The following ELL2 variants were observed in gnomAD, a reference collection of about 807,000 sequenced individuals.
ELL2 encodes the protein elongation factor for RNA polymerase II 2, also known as RNA polymerase II elongation factor ELL2.
Under a neutral mutation model 72.8 loss-of-function variants are expected in ELL2, and 21 were observed. That is an observed-to-expected ratio of 0.29 (90% CI 0.20 to 0.42). ELL2 has a LOEUF of 0.42. ELL2 is among the 10% of genes least tolerant of loss of function. The pLI, the probability that ELL2 is intolerant of heterozygous loss-of-function variation, is 1.00. For synonymous variants in ELL2, 266 were observed against 283.2 expected (o/e 0.94, Z 0.61); for missense variants, 568 against 772.8 (o/e 0.73, Z 3.14).
chr5:95,925,792 G>A (rs915295278), intron 2 of ELL2, among the ~76,000 whole-genome samples: 4 of 152,100 alleles, frequency 2.6e-5, no homozygotes, highest in Non-Finnish European at 5.9e-5. Context: ...TTCCCAATTT[G>A]TATGGCCTCA....
intron 8 of ELL2, among the ~76,000 whole-genome samples, chr5:95,897,825 G>A (rs1748931761): frequency 1.3e-5 from 2 of 152,154 alleles, no homozygotes; most frequent in Non-Finnish European, 2.9e-5. Flanking sequence ...ATTAATTGAA[G>A]CAAGGGTGAC....
intron 2 of ELL2, among the ~76,000 whole-genome samples, chr5:95,937,357 A>G (rs138172956): frequency 6.1e-4 from 93 of 152,302 alleles, no homozygotes; most frequent in African/African-American, 2.1e-3. Flanking sequence ...ACTCTAGTCA[A>G]TTTACAATAG....
rs957682550 is a variant in ELL2, at chr5:95,935,990, T to C, written c.195+7012A>G. 2.6e-5 allele frequency among the ~76,000 whole-genome samples: 4 copies of C among 152,310 alleles called. No homozygotes were observed. In the South Asian group the frequency reaches 6.2e-4, roughly 24 times the overall value. On this transcript the variant is annotated intron_variant, in intron 2 of 11. Coordinates refer to ENST00000237853, the MANE Select transcript of ELL2 (RefSeq NM_012081.6). ...ACCATGTTTGGTAAGCTATAATAGATTGTGACCCATTGGAAGGTCATGGCA... is the reference window on the plus strand; with the variant it reads ...ACCATGTTTGGTAAGCTATAATAGACTGTGACCCATTGGAAGGTCATGGCA...
At chr5:95,944,989 C>A (rs914485770) in intron 1 of ELL2, among the ~76,000 whole-genome samples, 7 of 152,262 alleles carry the variant, frequency 4.6e-5, no homozygotes, top group East Asian at 3.9e-4. Flanking sequence ...CCTTTCATTT[C>A]GAAAGGCTAG....
chr5:95,902,338 A>G (rs566332220), intron 5 of ELL2, among the ~76,000 whole-genome samples: 1 of 152,302 alleles, frequency 6.6e-6, no homozygotes, highest in Non-Finnish European at 1.5e-5. Context: ...ATAAATGAAA[A>G]CATATGCCTA....
chr5:95,944,120 C>T (rs1016483540), intron 1 of ELL2, among the ~76,000 whole-genome samples: 5 of 152,138 alleles, frequency 3.3e-5, no homozygotes, highest in South Asian at 4.1e-4. Context: ...AGCACATCAC[C>T]TACTACTTCC....
At chr5:95,901,113 ATTTT>A in intron 5 of ELL2, 33 bp from the exon 6 acceptor site, 1 of 1,569,744 alleles carries the variant, frequency 6.4e-7, no homozygotes, top group South Asian at 1.2e-5. Flanking sequence ...AGCATTAGGT[ATTTT>A]TACTATCATC....
chr5:95,949,912 T>C (rs1477572395), intron 1 of ELL2, among the ~76,000 whole-genome samples: 1 of 152,162 alleles, frequency 6.6e-6, no homozygotes, highest in Non-Finnish European at 1.5e-5. Flanking sequence ...AGAAGCACCC[T>C]TGTGGGGTAG....
chr5:95,930,941 T>G (rs897746762), intron 2 of ELL2, among the ~76,000 whole-genome samples: 1 of 152,226 alleles, frequency 6.6e-6, no homozygotes, highest in Non-Finnish European at 1.5e-5. Flanking sequence ...TGCCAACTAT[T>G]TGGAGAATAC....
rs535835584 is a variant in ELL2, at chr5:95,927,565, A to G, written c.196-8020T>C. On this transcript the variant is annotated intron_variant, in intron 2 of 11. Coordinates refer to ENST00000237853, the MANE Select transcript of ELL2 (RefSeq NM_012081.6). ...TATAGACATACACACACACGTGTGT[A>G]TATAGACATACACACACACGTGTGT... Among the ~76,000 whole-genome samples, 12 of 30,412 alleles carry G rather than the reference A, an allele frequency of 3.9e-4. 2 individuals are homozygous for G. Among genetic ancestry groups the G allele is most frequent in the Admixed American group, 4.8e-4 (2 of 4,130 alleles). The allele number at this position is 30,412 out of a possible 152,430, so 20.0% of individuals were successfully genotyped here. A position where few individuals can be genotyped will look rare whatever the true frequency, so the allele number is the denominator to read the frequency against.
At chr5:95,890,474 C>A (rs1748620035) in intron 10 of ELL2, among the ~76,000 whole-genome samples, 1 of 152,212 alleles carries the variant, frequency 6.6e-6, no homozygotes, top group Non-Finnish European at 1.5e-5. Context: ...TTCTATCAAT[C>A]CCTTTGCTAA....
rs950323074 is a variant in ELL2, at chr5:95,885,946, G to A, written c.*2925C>T. On this transcript the variant is annotated 3_prime_UTR_variant, in exon 12 of 12. Transcript: ENST00000237853. Reference sequence around the variant, plus strand: ...ATATATTTTAAAAAGCCCACATCTAGTTAATGTTCTCTTAGTTTGTTTTAA... The same window carrying A: ...ATATATTTTAAAAAGCCCACATCTAATTAATGTTCTCTTAGTTTGTTTTAA... 1.3e-5 allele frequency: 2 copies of A among 152,178 alleles called. No homozygotes were observed. Among genetic ancestry groups the A allele is most frequent in the African/African-American group, 2.4e-5 (1 of 41,452 alleles). 9.4% of individuals were successfully genotyped at this position (152,178 alleles called of 1,614,324 possible).
At chr5:95,950,904 GTATA>G (rs869036736) in intron 1 of ELL2, among the ~76,000 whole-genome samples, 3,331 of 45,808 alleles carry the variant, frequency 0.073, 119 homozygotes, top group Non-Finnish European at 0.099. Context: ...GTATGTATGT[GTATA>G]TATATATATA....
chr5:95,894,007 T>TGTGAGGCTTGAGGTGGGTGGATCGACC (rs766649274), intron 9 of ELL2, among the ~76,000 whole-genome samples: 58 of 152,208 alleles, frequency 3.8e-4, no homozygotes, highest in Non-Finnish European at 5.9e-4. Context: ...CCCAGCACTT[T>TGTGAGGCTTGAGGTGGGTGGATCGACC]GTGAGGCTTG....
At chr5:95,931,008 C>A (rs1333170866) in intron 2 of ELL2, among the ~76,000 whole-genome samples, 1 of 151,942 alleles carries the variant, frequency 6.6e-6, no homozygotes, top group Non-Finnish European at 1.5e-5. Flanking sequence ...AAAACGCTTT[C>A]TTTAGAATTC....
chr5:95,936,682 C>T (rs1750784794), intron 2 of ELL2, among the ~76,000 whole-genome samples: 1 of 151,980 alleles, frequency 6.6e-6, no homozygotes, highest in African/African-American at 2.4e-5. Context: ...ACCCAGTAGG[C>T]TGCAGTGAGC....
At chr5:95,927,760 G>GACACACACACAC (rs1750432084) in intron 2 of ELL2, among the ~76,000 whole-genome samples, 2 of 83,804 alleles carry the variant, frequency 2.4e-5, no homozygotes, top group South Asian at 8.3e-4. Flanking sequence ...TGTGTATATA[G>GACACACACACAC]ACATACACAC....
intron 10 of ELL2, among the ~76,000 whole-genome samples, chr5:95,890,630 C>T (rs1452711994): frequency 1.3e-5 from 2 of 152,168 alleles, no homozygotes; most frequent in African/African-American, 4.8e-5. Flanking sequence ...AAGCAGCAAA[C>T]TTCTTTACTT....
intron 2 of ELL2, among the ~76,000 whole-genome samples, chr5:95,937,209 A>G (rs1301165720): frequency 2.0e-5 from 3 of 152,176 alleles, no homozygotes; most frequent in Non-Finnish European, 1.5e-5. Context: ...TGTAGCTCAC[A>G]GTGGGGCCTG....
Sources: allele counts gnomAD v4.1 joint callset (sites outside exome capture counted in the v4.1 genomes callset), GRCh38; gene constraint gnomAD v4.1.1; transcripts MANE v1.5; gene names NCBI Gene and HGNC (gene_info 2026-07-23, HGNC 2026-07-21).